Variants in SLC1A7 observed in about 807,000 individuals in gnomAD.
The protein encoded by SLC1A7 is solute carrier family 1 member 7, also known as excitatory amino acid transporter 5.
In SLC1A7, 40 loss-of-function variants were observed where a neutral mutation model predicts 47.7. The ratio of observed to expected loss-of-function variants is 0.84; its 90% CI spans 0.65 to 1.09. The LOEUF (loss-of-function observed/expected upper bound fraction) is 1.09. SLC1A7 is among the 50% of genes least tolerant of loss of function. The probability of loss-of-function intolerance (pLI) is 0.00; values close to 1 mark genes in which losing one functional copy is unlikely to be tolerated. For missense variants in SLC1A7, 746 were observed against 769.5 expected (o/e 0.97, Z 0.36); for synonymous variants, 323 against 325.6 (o/e 0.99, Z 0.09).
rs376643428 is a variant in SLC1A7, at chr1:53,101,814, C to T, written c.697+1532G>A. ...ACCCTACCTTGGTACACTTACACACCGCCTCGGTACACTCACACGCACACT... is the reference window on the plus strand; with the variant it reads ...ACCCTACCTTGGTACACTTACACACTGCCTCGGTACACTCACACGCACACT... On this transcript the variant is annotated intron_variant, in intron 5 of 10. Transcript: ENST00000371494. Among the ~76,000 whole-genome samples the T allele has an allele frequency of 1.6e-3, 243 of 150,306 alleles. 2 individuals carry two copies. The highest frequency in any genetic ancestry group is 5.4e-3 in the African/African-American group (220 of 40,796).
At chr1:53,114,099 G>A (rs993567271) in intron 3 of SLC1A7, among the ~76,000 whole-genome samples, 3 of 152,198 alleles carry the variant, frequency 2.0e-5, no homozygotes, top group African/African-American at 7.2e-5. Context: ...CCAGGGCCTG[G>A]CACAGAACTG....
At position 53,092,774 on chromosome 1, in the gene SLC1A7, C is replaced by T. The variant is rs1264265912; in HGVS notation, c.811G>A (p.Gly271Ser). The change falls in exon 7 of 11, where the codon GGC (glycine) becomes AGC (serine). Residue 271 changes from glycine to serine, a missense_variant. Gly to Ser is a moderately conservative substitution (Grantham distance 56). Coordinates refer to ENST00000371494, the MANE Select transcript of SLC1A7 (RefSeq NM_006671.6). The part of the protein sequence containing the change: ...VAVAVWYFPF[G>S]IVFLIAGKIL... The stretch of plus-strand genomic sequence containing the variant: ...TTACCCGCAATGAGGAACACAATGC[C>T]GAAGGGGAAATACCTGGGGGCGGCG... 15 of 1,611,502 alleles carry T rather than the reference C, an allele frequency of 9.3e-6. No homozygotes were observed. Among genetic ancestry groups the T allele is most frequent in the Non-Finnish European group, 1.2e-5 (14 of 1,177,904 alleles).
intron 3 of SLC1A7, among the ~76,000 whole-genome samples, chr1:53,113,856 T>C (rs534014118): frequency 3.7e-4 from 57 of 152,260 alleles, no homozygotes; most frequent in African/African-American, 1.3e-3. Flanking sequence ...CTGATGGTGC[T>C]ATGCCTTCTC....
chr1:53,090,506 G>T, intron 8 of SLC1A7, 106 bp downstream of exon 8: 1 of 1,430,378 alleles, frequency 7.0e-7, no homozygotes. Flanking sequence ...GCTGTGCTCC[G>T]AGCCCAGGCT....
At chr1:53,108,478 A>C (rs1644668550) in intron 3 of SLC1A7, 1 of 686,448 alleles carries the variant, frequency 1.5e-6, no homozygotes, top group South Asian at 1.6e-5. Context: ...TGTGGGGACC[A>C]AATGGGACCT....
At chr1:53,122,549 C>T (rs749466489) in intron 2 of SLC1A7, among the ~76,000 whole-genome samples, 18 of 152,198 alleles carry the variant, frequency 1.2e-4, no homozygotes, top group Non-Finnish European at 2.1e-4. Context: ...TGCCCATTAG[C>T]GCCAGCTCCA....
intron 2 of SLC1A7, among the ~76,000 whole-genome samples, chr1:53,124,249 A>AATACAACACAC (rs1053959653): frequency 5.7e-4 from 4 of 6,964 alleles, no homozygotes; most frequent in African/African-American, 6.2e-4. Flanking sequence ...ATACATACAC[A>AATACAACACAC]ACACACACAC....
intron 2 of SLC1A7, 31 bp from the exon 3 acceptor site, chr1:53,115,004 T>A: frequency 6.4e-7 from 1 of 1,567,012 alleles, no homozygotes; most frequent in Non-Finnish European, 8.8e-7. Flanking sequence ...GGGGCTGTGG[T>A]GGGGAGGCCA....
intron 5 of SLC1A7, 75 bp from the exon 6 acceptor site, chr1:53,093,635 G>C: frequency 8.5e-7 from 1 of 1,180,806 alleles, no homozygotes; most frequent in Non-Finnish European, 1.2e-6. Flanking sequence ...AGCATGGCTG[G>C]CTTCCCAGCA....
chr1:53,103,683 A>G, intron 4 of SLC1A7, 115 bp from the exon 5 acceptor site: 1 of 618,572 alleles, frequency 1.6e-6, no homozygotes, highest in Non-Finnish European at 2.7e-6. Context: ...ATCCTATTTG[A>G]TTGACAGTAA....
intron 2 of SLC1A7, among the ~76,000 whole-genome samples, chr1:53,129,087 G>A (rs1245195027): frequency 7.2e-6 from 1 of 138,938 alleles, no homozygotes; most frequent in Non-Finnish European, 1.6e-5. Flanking sequence ...GCTGAGGCAG[G>A]AGAATTGCTT....
intron 3 of SLC1A7, 78 bp downstream of exon 3, chr1:53,114,680 C>T (rs1366899333): frequency 2.9e-5 from 36 of 1,260,420 alleles, no homozygotes; most frequent in Middle Eastern, 2.6e-4. Flanking sequence ...CTCCACACCC[C>T]GTCCTGGCCT....
intron 7 of SLC1A7, 60 bp downstream of exon 7, chr1:53,092,494 C>CAGA: frequency 8.0e-7 from 1 of 1,248,690 alleles, no homozygotes; most frequent in Non-Finnish European, 1.2e-6. Flanking sequence ...GATGGCTGGA[C>CAGA]AGACGGACAG....
intron 2 of SLC1A7, among the ~76,000 whole-genome samples, chr1:53,129,711 G>A (rs1412225322): frequency 1.4e-5 from 2 of 141,186 alleles, no homozygotes; most frequent in Non-Finnish European, 3.1e-5. Context: ...GGCAGCCCAG[G>A]GGCCTTTCAG....
At chr1:53,141,619 C>T (rs1054620949) in intron 1 of SLC1A7, among the ~76,000 whole-genome samples, 2 of 151,538 alleles carry the variant, frequency 1.3e-5, no homozygotes, top group African/African-American at 4.9e-5. Context: ...CCTTCCTGTC[C>T]CCCAGCCCAC....
chr1:53,088,750 C>T (rs528945381), intron 10 of SLC1A7, 127 bp downstream of exon 10: 12 of 702,346 alleles, frequency 1.7e-5, no homozygotes, highest in East Asian at 2.7e-5. Context: ...ATGAGGAGAC[C>T]GAGGCCCAGA....
intron 5 of SLC1A7, among the ~76,000 whole-genome samples, chr1:53,098,984 G>A (rs10465824): frequency 0.21 from 30,715 of 144,162 alleles, 3,258 homozygotes; most frequent in Middle Eastern, 0.33. Context: ...ATCCTGCCTC[G>A]CACTCACACA....
intron 3 of SLC1A7, among the ~76,000 whole-genome samples, chr1:53,107,013 G>C (rs1291222512): frequency 2.0e-5 from 3 of 151,938 alleles, no homozygotes; most frequent in African/African-American, 4.8e-5. Flanking sequence ...AAAATTAGCT[G>C]AGTGTGGTGG....
chr1:53,105,933 A>G (rs1328624144), intron 3 of SLC1A7, among the ~76,000 whole-genome samples, 159 bp from the exon 4 acceptor site: 2 of 152,034 alleles, frequency 1.3e-5, no homozygotes, highest in African/African-American at 4.8e-5. Flanking sequence ...GACACTCCAC[A>G]GCGCCAGCAC....
Sources: gnomAD v4.1 joint callset for allele counts (sites outside exome capture counted in the v4.1 genomes callset) on GRCh38, gnomAD v4.1.1 for gene constraint, MANE v1.5 for transcripts, NCBI Gene and HGNC (gene_info 2026-07-23, HGNC 2026-07-21) for gene names.